Variants in ZFHX4 observed in about 807,000 individuals in gnomAD.
ZFHX4 encodes zinc finger homeobox 4.
A neutral mutation model predicts 267.6 loss-of-function variants in ZFHX4; 56 were observed. That is an observed-to-expected ratio of 0.21 (90% CI 0.17 to 0.26). ZFHX4 has a LOEUF of 0.26. Among genes scored for constraint, ZFHX4 ranks in the 10% least tolerant of loss-of-function variants. ZFHX4 has a pLI of 1.00. For missense variants in ZFHX4, 4,332 were observed against 4,420.0 expected (o/e 0.98, Z 0.56); for synonymous variants, 1,778 against 1,665.6 (o/e 1.07, Z -1.64).
chr8:76,737,685 G>T (rs964949966), intron 3 of ZFHX4, among the ~76,000 whole-genome samples: 2 of 152,116 alleles, frequency 1.3e-5, no homozygotes, highest in Non-Finnish European at 2.9e-5. Context: ...TATCTGCTTT[G>T]CATAGTGCCT....
At chr8:76,822,808 C>T (rs760273595) in intron 4 of ZFHX4, among the ~76,000 whole-genome samples, 2 of 151,968 alleles carry the variant, frequency 1.3e-5, no homozygotes, top group Non-Finnish European at 2.9e-5. Flanking sequence ...TTTTTGTTCC[C>T]TAGAGTTTTG....
intron 3 of ZFHX4, among the ~76,000 whole-genome samples, chr8:76,756,378 A>AT (rs892847456): frequency 2.4e-4 from 36 of 151,342 alleles, no homozygotes; most frequent in South Asian, 8.3e-4. Flanking sequence ...TTCAAGACAC[A>AT]TTTTTTTTTA....
Position 76,708,021 on chromosome 8 carries a change from G to A in ZFHX4, c.3066G>A (p.Arg1022=), listed in dbSNP as rs369397548. 1.2e-6 allele frequency: 2 copies of A among 1,613,584 alleles called. No individual in the cohort carries two copies. The highest frequency in any genetic ancestry group is 1.7e-6 in the Non-Finnish European group (2 of 1,179,862). The stretch of plus-strand genomic sequence containing the variant: ...TACGCTTGCATACCACCAATCACAG[G>A]CACGAGGCGGCCCTGAAGCTCTACA... ...DKLRLHTTNH[R]HEAALKLYKH... The change falls in exon 3 of 11, where the codon AGG becomes AGA. Residue 1022 remains arginine, a synonymous_variant. Transcript: ENST00000651372.
chr8:76,786,819 G>A (rs1810703347), intron 4 of ZFHX4, among the ~76,000 whole-genome samples: 1 of 152,126 alleles, frequency 6.6e-6, no homozygotes, highest in Admixed American at 6.5e-5. Context: ...GCAAGAGTGT[G>A]CCACTGTTCA....
At chr8:76,738,445 T>G (rs1394729267) in intron 3 of ZFHX4, among the ~76,000 whole-genome samples, 2 of 152,194 alleles carry the variant, frequency 1.3e-5, no homozygotes, top group Non-Finnish European at 2.9e-5. Flanking sequence ...GGCATCTCCA[T>G]AGTCTTTGTA....
Position 76,705,653 on chromosome 8 carries a change from C to T in ZFHX4, c.1565C>T (p.Thr522Ile), listed in dbSNP as rs753183710. ...SSVLKFIEKG[T>I]SSSSATVSDD... ...GTGCTAAAATTTATTGAAAAGGGTACCTCGTCCTCCTCGGCGACTGTTTCT... is the reference window on the plus strand; with the variant it reads ...GTGCTAAAATTTATTGAAAAGGGTATCTCGTCCTCCTCGGCGACTGTTTCT... The change falls in exon 2 of 11, where the codon ACC (threonine) becomes ATC (isoleucine). Residue 522 changes from threonine to isoleucine, a missense_variant. Physicochemically the swap from Thr to Ile is moderately conservative, Grantham distance 89. Around this residue, in one of 7 missense-constraint regions of ZFHX4, gnomAD observed 1,195 missense variants for 1,173.6 expected, o/e 1.02. Transcript: ENST00000651372. 5.6e-6 allele frequency: 9 copies of T among 1,613,836 alleles called. No individual in the cohort carries two copies. The highest frequency in any genetic ancestry group is 7.6e-6 in the Non-Finnish European group (9 of 1,179,890).
chr8:76,765,335 T>A (rs1423863941), intron 3 of ZFHX4, among the ~76,000 whole-genome samples: 1 of 152,184 alleles, frequency 6.6e-6, no homozygotes, highest in Non-Finnish European at 1.5e-5. Flanking sequence ...TTTTTCTTTA[T>A]GAAAAGTATG....
chr8:76,688,662 A>G (rs893352096), intron 1 of ZFHX4, among the ~76,000 whole-genome samples: 2 of 152,150 alleles, frequency 1.3e-5, no homozygotes, highest in Non-Finnish European at 1.5e-5. Context: ...TTAAAATACC[A>G]TAAGTGTGAA....
At chr8:76,777,068 T>A (rs1198396508) in intron 3 of ZFHX4, among the ~76,000 whole-genome samples, 2 of 152,122 alleles carry the variant, frequency 1.3e-5, no homozygotes, top group South Asian at 2.1e-4. Context: ...TTTGTGTATT[T>A]TTTAAAAGAA....
At chr8:76,720,309 G>A (rs1280766938) in intron 3 of ZFHX4, among the ~76,000 whole-genome samples, 2 of 152,060 alleles carry the variant, frequency 1.3e-5, no homozygotes, top group Non-Finnish European at 2.9e-5. Context: ...TTAGCATAAT[G>A]TTTTTAAGGT....
intron 3 of ZFHX4, among the ~76,000 whole-genome samples, chr8:76,725,622 C>T (rs778113873): frequency 2.0e-5 from 3 of 152,070 alleles, no homozygotes; most frequent in Non-Finnish European, 4.4e-5. Context: ...GCTTATTGAT[C>T]GTTACCAGTT....
chr8:76,747,264 T>C (rs77446739), intron 3 of ZFHX4, among the ~76,000 whole-genome samples: 236 of 152,308 alleles, frequency 1.5e-3, no homozygotes, highest in African/African-American at 5.4e-3. Flanking sequence ...TTAAGCTCGA[T>C]TTTTGTTCCT....
At chr8:76,690,885 G>C (rs184788792) in intron 1 of ZFHX4, among the ~76,000 whole-genome samples, 4 of 152,140 alleles carry the variant, frequency 2.6e-5, no homozygotes. Context: ...CAACAGAAAA[G>C]AGCAACTAGG....
chr8:76,707,459 C>T (rs1808305798), intron 2 of ZFHX4, 87 bp from the exon 3 acceptor site: 1 of 1,241,670 alleles, frequency 8.1e-7, no homozygotes, highest in African/African-American at 1.5e-5. Flanking sequence ...AAAGCACATT[C>T]CTTGTCAAGA....
chr8:76,704,028 T>A lies in ZFHX4; in HGVS notation c.-46-15T>A. ...TTTAATAAAAATGGCTTCTCTCACC[T>A]TATTTTTTATCCAGGTCCCTGACAG... is the stretch of plus-strand genomic sequence containing the variant. On this transcript the variant is annotated splice_polypyrimidine_tract_variant and intron_variant, in intron 1 of 10. Transcript: ENST00000651372. 1.3e-6 allele frequency: 2 copies of A among 1,491,268 alleles called. No homozygotes were observed. The highest frequency in any genetic ancestry group is 2.8e-5 in the South Asian group (2 of 71,686). The allele number at this position is 1,491,268 out of a possible 1,614,324, so 92.4% of individuals were successfully genotyped here.
At chr8:76,744,347 A>T (rs1057050189) in intron 3 of ZFHX4, among the ~76,000 whole-genome samples, 14 of 152,142 alleles carry the variant, frequency 9.2e-5, no homozygotes, top group African/African-American at 2.7e-4. Flanking sequence ...CTCCACCTAA[A>T]AAATAAATAA....
chr8:76,840,994 C>T (rs1812219775), intron 5 of ZFHX4, among the ~76,000 whole-genome samples: 1 of 152,174 alleles, frequency 6.6e-6, no homozygotes, highest in Non-Finnish European at 1.5e-5. Context: ...TCTTTCTCTT[C>T]TTGAAGTTAA....
rs748284558 is a variant in ZFHX4, at chr8:76,853,378, T to C, written c.6457T>C (p.Ser2153Pro). The C allele has an allele frequency of 6.2e-7, 1 of 1,613,652 alleles. No homozygotes were observed. Among genetic ancestry groups the C allele is most frequent in the African/African-American group, 1.3e-5 (1 of 74,870 alleles). The change falls in exon 10 of 11, where the codon TCT becomes CCT. Residue 2153 changes from serine to proline, a missense_variant. By Grantham distance (74) the Ser-to-Pro change is moderately conservative. Transcript: ENST00000651372. ...GAGGGCTTATTTTGACATTAATAATTCTCCAAGTGAAGAACAGATCCAGGA... is the reference window on the plus strand; with the variant it reads ...GAGGGCTTATTTTGACATTAATAATCCTCCAAGTGAAGAACAGATCCAGGA... ...ILRAYFDINN[S>P]PSEEQIQEMA...
At chr8:76,712,547 C>T (rs72659503) in intron 3 of ZFHX4, among the ~76,000 whole-genome samples, 2,337 of 151,182 alleles carry the variant, frequency 0.015, 27 homozygotes, top group Middle Eastern at 0.044. Context: ...GTCATTGTCC[C>T]GGTGTGATGG....
Sources: gnomAD v4.1 joint callset for allele counts (sites outside exome capture counted in the v4.1 genomes callset) on GRCh38, gnomAD v4.1.1 for gene constraint, gnomAD v4.1.1 regional missense constraint, MANE v1.5 for transcripts, NCBI Gene and HGNC (gene_info 2026-07-23, HGNC 2026-07-21) for gene names.